RIMBP2: variants seen among roughly 807,000 people sequenced by gnomAD.
RIMBP2 encodes RIMS-binding protein 2.
A neutral mutation model predicts 118.6 loss-of-function variants in RIMBP2; 48 were observed. The observed-to-expected ratio is 0.40, with a 90% CI of 0.32 to 0.51. The LOEUF is 0.51. RIMBP2 is among the 20% of genes least tolerant of loss of function. RIMBP2 has a pLI of 0.41. For synonymous variants in RIMBP2, 762 were observed against 742.9 expected (o/e 1.03, Z -0.42); for missense variants, 1,551 against 1,768.3 (o/e 0.88, Z 2.20).
chr12:130,661,165 T>C (rs1311940846), intron 1 of RIMBP2, among the ~76,000 whole-genome samples: 1 of 152,232 alleles, frequency 6.6e-6, no homozygotes, highest in African/African-American at 2.4e-5. Context: ...ATGCCTCCTC[T>C]TGGTGGCAAG....
intron 2 of RIMBP2, among the ~76,000 whole-genome samples, chr12:130,534,715 C>CA (rs1302749191): frequency 6.6e-6 from 1 of 152,190 alleles, no homozygotes; most frequent in Non-Finnish European, 1.5e-5. Flanking sequence ...CTTGAAAAGC[C>CA]ACATGGTGGT....
Position 130,620,564 on chromosome 12 carries a change from G to A in RIMBP2, c.-217+7758C>T, listed in dbSNP as rs947557543. Among the ~76,000 whole-genome samples the A allele has an allele frequency of 5.9e-5, 9 of 152,184 alleles. No homozygotes were observed. The highest frequency in any genetic ancestry group is 1.0e-4 in the Non-Finnish European group (7 of 68,038). On this transcript the variant is annotated intron_variant, in intron 2 of 22. Coordinates refer to ENST00000690449, the MANE Select transcript of RIMBP2 (RefSeq NM_001393629.1). This position sits in a 1 kb window ranked among gnomAD's most constrained non-coding sequence, Gnocchi z 5.3. ...CAGGGGCCAGATGCCCAAGCTCGGG[G>A]TGTCGGCAGGGCTGCTCCTCAGGTC...
chr12:130,456,827 GTC>G (rs1339667430), intron 6 of RIMBP2, 127 bp from the exon 7 acceptor site: 6 of 666,236 alleles, frequency 9.0e-6, no homozygotes, highest in Non-Finnish European at 1.5e-5. Flanking sequence ...CACGTGTTGT[GTC>G]TGTGAAAATG....
intron 2 of RIMBP2, among the ~76,000 whole-genome samples, chr12:130,524,764 G>C (rs12367482): frequency 0.17 from 25,821 of 152,208 alleles, 2,722 homozygotes; most frequent in Non-Finnish European, 0.24. Context: ...GGCCAGAATT[G>C]AGATTATGGC....
chr12:130,442,032 G>A lies in RIMBP2; in HGVS notation c.1320C>T (p.Phe440=). The A allele has an allele frequency of 3.7e-6, 6 of 1,614,178 alleles. No individual in the cohort carries two copies. The highest frequency in any genetic ancestry group is 5.1e-6 in the Non-Finnish European group (6 of 1,180,056). Residue 440 remains phenylalanine (F), a synonymous_variant, in exon 11 of 23, where the codon TTC becomes TTT. Transcript: ENST00000690449. The surrounding 1 kb of genome is among the most constrained non-coding windows in gnomAD (Gnocchi z 6.9). ...CGATGTCGAACTCCTCCTCGTTGAG[G>A]AAGATGACGTGGCTGTAGTTGCTGT... ...PTNSNYSHVI[F]LNEEEFDIVK...
rs759916546 is a variant in RIMBP2, at chr12:130,648,505, A to C, written c.-351-20049T>G. ...TCTTCTAAATCCCCCAGCAAAATCAAATTCAAGCTATATACATCTGATGTT... is the reference window on the plus strand; with the variant it reads ...TCTTCTAAATCCCCCAGCAAAATCACATTCAAGCTATATACATCTGATGTT... On this transcript the variant is annotated intron_variant, in intron 1 of 22. Transcript: ENST00000690449. Among the ~76,000 whole-genome samples the C allele has an allele frequency of 2.0e-4, 29 of 145,656 alleles. 5 individuals are homozygous for C. The highest frequency in any genetic ancestry group is 5.7e-4 in the African/African-American group (23 of 40,670).
At chr12:130,506,520 C>G (rs1409380759) in intron 4 of RIMBP2, 128 bp downstream of exon 4, 7 of 630,128 alleles carry the variant, frequency 1.1e-5, no homozygotes, top group Non-Finnish European at 1.4e-5. Context: ...GCCCCAACAT[C>G]TCTGAATGTG....
intron 4 of RIMBP2, among the ~76,000 whole-genome samples, chr12:130,503,878 ATCACT>A (rs1227100105): frequency 6.6e-6 from 1 of 152,226 alleles, no homozygotes; most frequent in Non-Finnish European, 1.5e-5. Context: ...CTTCCTTCAT[ATCACT>A]TCATTATATT....
chr12:130,569,295 A>G (rs1396853191), intron 2 of RIMBP2, among the ~76,000 whole-genome samples: 1 of 152,220 alleles, frequency 6.6e-6, no homozygotes, highest in Non-Finnish European at 1.5e-5. Flanking sequence ...GGCAGCTTCC[A>G]GAGAAGAGAA....
intron 19 of RIMBP2, 107 bp from the exon 20 acceptor site, chr12:130,407,936 A>C: frequency 3.1e-6 from 3 of 977,848 alleles, no homozygotes; most frequent in Non-Finnish European, 4.9e-6. Flanking sequence ...GAGACCTGGC[A>C]CTGCTAACAG....
At chr12:130,441,388 G>A (rs892608634) in intron 11 of RIMBP2, among the ~76,000 whole-genome samples, 3 of 138,424 alleles carry the variant, frequency 2.2e-5, no homozygotes, top group East Asian at 2.2e-4. Flanking sequence ...GTGACAGAGC[G>A]AGACTCCATC....
intron 2 of RIMBP2, among the ~76,000 whole-genome samples, chr12:130,577,806 A>G (rs912061620): frequency 6.6e-6 from 1 of 152,166 alleles, no homozygotes; most frequent in Non-Finnish European, 1.5e-5. Flanking sequence ...TTGAAATTCA[A>G]TCCCTCCCCA....
chr12:130,506,848 A>C, intron 3 of RIMBP2, 78 bp from the exon 4 acceptor site: 9 of 957,272 alleles, frequency 9.4e-6, no homozygotes, highest in Non-Finnish European at 1.1e-5. Flanking sequence ...CCTCTTTAGG[A>C]GCAAAATCTT....
intron 2 of RIMBP2, among the ~76,000 whole-genome samples, chr12:130,624,469 C>CGT (rs745607904): frequency 1.0e-3 from 157 of 151,756 alleles, no homozygotes; most frequent in Non-Finnish European, 1.6e-3. Flanking sequence ...TACACCAAGA[C>CGT]GTGTGTGTGT....
chr12:130,403,792 A>G (rs1320144864), intron 21 of RIMBP2, among the ~76,000 whole-genome samples: 1 of 152,256 alleles, frequency 6.6e-6, no homozygotes, highest in African/African-American at 2.4e-5. Context: ...TTTCTGGAAT[A>G]TAATTTCTGA....
At position 130,578,654 on chromosome 12, in the gene RIMBP2, C is replaced by G. The variant is rs188427214; in HGVS notation, c.-217+49668G>C. ...TTAGCTCATTCCTTGACATTCAGCT[C>G]TCAGCGCAAATGCCCCCTTCTCAGA... On this transcript the variant is annotated intron_variant, in intron 2 of 22. Coordinates refer to ENST00000690449, the MANE Select transcript of RIMBP2 (RefSeq NM_001393629.1). This position sits in a 1 kb window ranked among gnomAD's most constrained non-coding sequence, Gnocchi z 4.1. Among the ~76,000 whole-genome samples, 1,057 of 152,320 alleles carry G rather than the reference C, an allele frequency of 6.9e-3. 37 individuals carry two copies. Among genetic ancestry groups the G allele is most frequent in the Admixed American group, 0.057 (865 of 15,286 alleles).
chr12:130,705,484 G>T (rs1015595231), intron 1 of RIMBP2, among the ~76,000 whole-genome samples: 12 of 152,332 alleles, frequency 7.9e-5, no homozygotes, highest in African/African-American at 2.9e-4. Context: ...TGGGGGAGAG[G>T]CTGGCAGGGA....
At chr12:130,482,497 G>A (rs1007174896) in intron 4 of RIMBP2, among the ~76,000 whole-genome samples, 2 of 152,190 alleles carry the variant, frequency 1.3e-5, no homozygotes, top group Non-Finnish European at 2.9e-5. Flanking sequence ...GACTTCAGGA[G>A]TGGCCATTTC....
At chr12:130,472,733 G>A (rs1368595056) in intron 5 of RIMBP2, among the ~76,000 whole-genome samples, 2 of 152,164 alleles carry the variant, frequency 1.3e-5, no homozygotes. Context: ...CAGCCAAGGG[G>A]AAATCTGCCA....
Sources: gnomAD v4.1 joint callset for allele counts (sites outside exome capture counted in the v4.1 genomes callset) on GRCh38, gnomAD v4.1.1 for gene constraint, Gnocchi (gnomAD v3.1) non-coding constraint, MANE v1.5 for transcripts, NCBI Gene and HGNC (gene_info 2026-07-23, HGNC 2026-07-21) for gene names.